Variants in NSUN7 observed in about 807,000 individuals in gnomAD.
The protein encoded by NSUN7 is protein NSUN7.
Under a neutral mutation model 58.5 loss-of-function variants are expected in NSUN7, and 39 were observed. That is an observed-to-expected ratio of 0.67 (90% confidence interval 0.52 to 0.87). NSUN7 has a LOEUF of 0.87. Ranked by LOEUF, NSUN7 falls within the 40% of genes least tolerant of loss-of-function variation. The pLI is 0.00. For synonymous variants in NSUN7, 278 were observed against 303.7 expected (o/e 0.92, Z 0.88); for missense variants, 765 against 844.1 (o/e 0.91, Z 1.16).
intron 4 of NSUN7, among the ~76,000 whole-genome samples, chr4:40,772,634 A>G (rs1742066306): frequency 6.6e-6 from 1 of 152,208 alleles, no homozygotes; most frequent in African/African-American, 2.4e-5. Flanking sequence ...TAAGAAATGT[A>G]GAATAAGGAC....
intron 9 of NSUN7, among the ~76,000 whole-genome samples, chr4:40,795,849 T>C (rs750074412): frequency 1.7e-4 from 26 of 152,224 alleles, no homozygotes; most frequent in Non-Finnish European, 1.9e-4. Flanking sequence ...TGCTGAGTCC[T>C]TGTTAGTTGT....
chr4:40,757,973 T>C (rs1741260835), intron 2 of NSUN7, among the ~76,000 whole-genome samples: 1 of 151,934 alleles, frequency 6.6e-6, no homozygotes, highest in Admixed American at 6.6e-5. Context: ...CAAGCCAGAG[T>C]GCAATGTCAC....
rs1316425745 is a variant in NSUN7 at position 40,750,697 on chromosome 4, C to G, written c.4C>G (p.Leu2Val). 3.1e-6 allele frequency: 5 copies of G among 1,612,762 alleles called. No individual in the cohort carries two copies. Among genetic ancestry groups the G allele is most frequent in the Non-Finnish European group, 4.2e-6 (5 of 1,179,376 alleles). The change falls in exon 2 of 12, where the codon CTG becomes GTG. Residue 2 changes from leucine to valine, a missense_variant. By Grantham distance (32) the Leu-to-Val change is conservative. Coordinates refer to ENST00000381782, the MANE Select transcript of NSUN7 (RefSeq NM_024677.6). The stretch of plus-strand genomic sequence containing the variant: ...TCACGACAGGCGAGGGGCAGACATG[C>G]TGAATTCCACGGGCGAACTGGAGTT... M[L>V]NSTGELEFSN...
intron 7 of NSUN7, among the ~76,000 whole-genome samples, chr4:40,783,010 G>A (rs1742647941): frequency 6.6e-6 from 1 of 152,142 alleles, no homozygotes; most frequent in African/African-American, 2.4e-5. Context: ...TGCAGACATT[G>A]ACACACTGTT....
chr4:40,759,400 T>C (rs963880420), intron 2 of NSUN7, among the ~76,000 whole-genome samples: 6 of 152,234 alleles, frequency 3.9e-5, no homozygotes, highest in Non-Finnish European at 7.3e-5. Context: ...TCGTGTTCCC[T>C]GTGGAAGTTT....
chr4:40,790,857 A>C (rs1264459947), intron 8 of NSUN7, 112 bp downstream of exon 8: 3 of 811,924 alleles, frequency 3.7e-6, no homozygotes, highest in African/African-American at 1.8e-5. Context: ...AATAATAGCA[A>C]CCACATATAA....
rs1370729545 is a variant in NSUN7, at chr4:40,809,634, C to T, written c.*695C>T. 2 of 152,148 alleles carry T rather than the reference C, an allele frequency of 1.3e-5. No homozygotes were observed. The highest frequency in any genetic ancestry group is 1.5e-5 in the Non-Finnish European group (1 of 68,040). 9.4% of individuals were successfully genotyped at this position (152,148 alleles called of 1,614,324 possible). The stretch of plus-strand genomic sequence containing the variant: ...CTATGTCAAGCACTGTTACAAAAGA[C>T]TGTGAGCAAATTTCCATCTAAATAT... On this transcript the variant is annotated 3_prime_UTR_variant, in exon 12 of 12. Transcript: ENST00000381782.
Position 40,808,905 on chromosome 4 carries a change from C to G in NSUN7, c.2123C>G (p.Ser708Cys), listed in dbSNP as rs1443402987. Reference sequence around the variant, plus strand: ...GAAAAGCCTAAAGATGACACACCTTCCTCCCTACTCAGGCCTCCTCGGCGA... The same window carrying G: ...GAAAAGCCTAAAGATGACACACCTTGCTCCCTACTCAGGCCTCCTCGGCGA... Reference protein sequence around the residue: ...KEEKPKDDTPSSLLRPPRRWL With the variant: ...KEEKPKDDTPCSLLRPPRRWL Residue 708 changes from serine to cysteine, a missense_variant, in exon 12 of 12, where the codon TCC becomes TGC. Transcript: ENST00000381782. 7 of 1,538,288 alleles carry G rather than the reference C, an allele frequency of 4.6e-6. No homozygotes were observed. The East Asian group carries it at 1.5e-4, about 32-fold the overall frequency.
chr4:40,786,494 C>T (rs1742829036), intron 7 of NSUN7: 2 of 1,613,180 alleles, frequency 1.2e-6, no homozygotes, highest in South Asian at 1.1e-5. Context: ...CAAGGAGTCC[C>T]TGTACTTATA....
rs1303150069 is a variant in NSUN7, at chr4:40,794,408, G to T, written c.1214G>T (p.Gly405Val). The T allele has an allele frequency of 1.2e-6, 2 of 1,610,850 alleles. No individual in the cohort carries two copies. Among genetic ancestry groups the T allele is most frequent in the East Asian group, 4.5e-5 (2 of 44,746 alleles). ...TEFLKDHSQG[G>V]ISVDKLHVLA... ...TTCCTTAAAGATCACTCTCAAGGAG[G>T]CATCTCAGTGGACAAACTTCACGTT... The change falls in exon 9 of 12, where the codon GGC becomes GTC. Residue 405 changes from glycine (G) to valine (V), a missense_variant. Physicochemically the swap from Gly to Val is moderately radical, Grantham distance 109. Coordinates refer to ENST00000381782, the MANE Select transcript of NSUN7 (RefSeq NM_024677.6).
intron 2 of NSUN7, among the ~76,000 whole-genome samples, chr4:40,759,877 C>CA (rs1486092258): frequency 6.6e-6 from 1 of 152,054 alleles, no homozygotes; most frequent in Non-Finnish European, 1.5e-5. Flanking sequence ...CCCATTTCTA[C>CA]AAAAAATACA....
intron 2 of NSUN7, among the ~76,000 whole-genome samples, chr4:40,753,945 A>C (rs1006816631): frequency 2.0e-5 from 3 of 152,126 alleles, no homozygotes; most frequent in Non-Finnish European, 4.4e-5. Flanking sequence ...AGGCCTCCCC[A>C]GCCATATGGA....
chr4:40,781,312 A>G (rs1161338571), intron 7 of NSUN7, among the ~76,000 whole-genome samples: 2 of 152,106 alleles, frequency 1.3e-5, no homozygotes, highest in Admixed American at 1.3e-4. Context: ...TGGTCTCCCA[A>G]ATTGCTGGGA....
intron 7 of NSUN7, among the ~76,000 whole-genome samples, chr4:40,788,591 T>C (rs984427509): frequency 2.0e-5 from 3 of 152,228 alleles, no homozygotes; most frequent in African/African-American, 7.2e-5. Flanking sequence ...CAACTGCCTC[T>C]GTCATTAGAG....
intron 7 of NSUN7, among the ~76,000 whole-genome samples, chr4:40,780,999 T>A (rs2154288072): frequency 6.6e-6 from 1 of 151,272 alleles, no homozygotes; most frequent in Admixed American, 6.6e-5. Flanking sequence ...TGTATTTTTT[T>A]AGTAGAGACG....
chr4:40,765,362 C>G (rs553300790), intron 4 of NSUN7, among the ~76,000 whole-genome samples: 25 of 144,186 alleles, frequency 1.7e-4, no homozygotes, highest in African/African-American at 5.6e-4. Flanking sequence ...GCTTGTTTTT[C>G]TCAGGTTTGT....
At chr4:40,776,998 G>C (rs1379344837) in intron 7 of NSUN7, among the ~76,000 whole-genome samples, 2 of 152,168 alleles carry the variant, frequency 1.3e-5, no homozygotes, top group Non-Finnish European at 2.9e-5. Context: ...TTTTATTATA[G>C]GTTCAGCGAG....
chr4:40,785,961 T>A (rs1435493775), intron 7 of NSUN7: 1 of 1,096,152 alleles, frequency 9.1e-7, no homozygotes, highest in Admixed American at 2.9e-5. Context: ...GGAATAGGTA[T>A]CAGGGCGCCT....
chr4:40,801,901 C>CAAAAAAAAA (rs56868885), intron 10 of NSUN7, among the ~76,000 whole-genome samples: 50 of 107,112 alleles, frequency 4.7e-4, no homozygotes, highest in Non-Finnish European at 7.1e-4. Flanking sequence ...GACTCTGTCT[C>CAAAAAAAAA]AAAAAAAAAA....
Sources: allele counts gnomAD v4.1 joint callset (sites outside exome capture counted in the v4.1 genomes callset), GRCh38; gene constraint gnomAD v4.1.1; transcripts MANE v1.5; gene names NCBI Gene and HGNC (gene_info 2026-07-23, HGNC 2026-07-21).